Variants in OSBPL6 observed in about 807,000 individuals in gnomAD.
The protein encoded by OSBPL6 is oxysterol binding protein like 6, also known as oxysterol-binding protein-related protein 6.
Under a neutral mutation model 125.8 loss-of-function variants are expected in OSBPL6, and 49 were observed. The observed-to-expected ratio is 0.39, with a 90% CI of 0.31 to 0.49. The LOEUF is 0.49. OSBPL6 is among the 20% of genes least tolerant of loss of function. OSBPL6 has a pLI of 0.88. For missense variants in OSBPL6, 986 were observed against 1,135.4 expected (o/e 0.87, Z 1.89); for synonymous variants, 394 against 391.8 (o/e 1.01, Z -0.07).
At chr2:178,332,265 C>T (rs895099062) in intron 6 of OSBPL6, among the ~76,000 whole-genome samples, 1 of 152,192 alleles carries the variant, frequency 6.6e-6, no homozygotes, top group African/African-American at 2.4e-5. Flanking sequence ...AGCTGTCTGC[C>T]AGCTGATTAC....
At chr2:178,310,681 T>G (rs1017431008) in intron 3 of OSBPL6, among the ~76,000 whole-genome samples, 5 of 151,826 alleles carry the variant, frequency 3.3e-5, no homozygotes, top group African/African-American at 7.3e-5. Context: ...CCTCCCAAAG[T>G]GCGGGGATTA....
At chr2:178,332,124 G>A (rs1329779416) in intron 6 of OSBPL6, among the ~76,000 whole-genome samples, 4 of 152,164 alleles carry the variant, frequency 2.6e-5, no homozygotes, top group African/African-American at 9.7e-5. Context: ...GGAAGTAACT[G>A]AAGGCTTAGG....
At chr2:178,291,792 G>GCCTGCCATCCATCCAT (rs1553543924) in intron 2 of OSBPL6, among the ~76,000 whole-genome samples, 2 of 116,640 alleles carry the variant, frequency 1.7e-5, no homozygotes, top group Non-Finnish European at 3.7e-5. Context: ...CTTCCTGCCT[G>GCCTGCCATCCATCCAT]CCATCCATCC....
chr2:178,205,039 G>A (rs995737812), intron 1 of OSBPL6, among the ~76,000 whole-genome samples: 1 of 151,988 alleles, frequency 6.6e-6, no homozygotes, highest in African/African-American at 2.4e-5. Context: ...GCCTTTCTCA[G>A]TTTCACAGAT....
rs547332090 is a variant in OSBPL6, at chr2:178,225,481, A to G, written c.-351+30807A>G. ...GTAGTGTCTGGATTTCAGACCCTTG[A>G]GTTTGTTCAGATGTTCTCTAGTGAT... On this transcript the variant is annotated intron_variant, in intron 1 of 24. Transcript: ENST00000190611. Among the ~76,000 whole-genome samples, 17 of 152,250 alleles carry G rather than the reference A, an allele frequency of 1.1e-4. No homozygotes were observed. The East Asian group carries it at 1.5e-3, about 14-fold the overall frequency.
chr2:178,276,379 T>C (rs905138039), intron 1 of OSBPL6, among the ~76,000 whole-genome samples: 2 of 149,862 alleles, frequency 1.3e-5, no homozygotes, highest in African/African-American at 4.9e-5. Flanking sequence ...TGGTTTTTTT[T>C]TTTTTTTTTT....
At chr2:178,309,307 C>G (rs563206677) in intron 3 of OSBPL6, among the ~76,000 whole-genome samples, 1 of 152,282 alleles carries the variant, frequency 6.6e-6, no homozygotes, top group African/African-American at 2.4e-5. Flanking sequence ...CTCTCGTATA[C>G]AGACTATGTA....
intron 8 of OSBPL6, among the ~76,000 whole-genome samples, chr2:178,334,426 A>G (rs1488425419): frequency 2.0e-5 from 3 of 152,234 alleles, no homozygotes; most frequent in African/African-American, 7.2e-5. Flanking sequence ...ATGAAACATT[A>G]CTATATTCAG....
intron 23 of OSBPL6, 149 bp downstream of exon 23, chr2:178,392,687 A>C: frequency 9.3e-7 from 1 of 1,072,568 alleles, no homozygotes; most frequent in Non-Finnish European, 1.3e-6. Context: ...GAGACTCTAT[A>C]TCTCTAAAAA....
intron 1 of OSBPL6, among the ~76,000 whole-genome samples, chr2:178,257,829 C>CT (rs1335748785): frequency 4.8e-5 from 7 of 146,076 alleles, no homozygotes; most frequent in African/African-American, 1.5e-4. Context: ...AGATCTTGCT[C>CT]TTTTTTTTGA....
At chr2:178,200,928 T>TG (rs1349482055) in intron 1 of OSBPL6, among the ~76,000 whole-genome samples, 1 of 152,034 alleles carries the variant, frequency 6.6e-6, no homozygotes, top group Non-Finnish European at 1.5e-5. Context: ...CCCGAGTAGC[T>TG]GGATTACAGG....
At chr2:178,298,746 A>AT (rs1559216968) in intron 2 of OSBPL6, among the ~76,000 whole-genome samples, 25 of 147,420 alleles carry the variant, frequency 1.7e-4, no homozygotes, top group Non-Finnish European at 3.0e-4. Context: ...CAGGACCTAC[A>AT]TCATTTTCTA....
intron 3 of OSBPL6, among the ~76,000 whole-genome samples, chr2:178,312,359 A>G (rs567746463): frequency 5.9e-5 from 9 of 151,780 alleles, no homozygotes; most frequent in East Asian, 5.8e-4. Flanking sequence ...GGGTTTCACC[A>G]TGTTGGCCAG....
rs940651268 is a variant in OSBPL6 at position 178,399,103 on chromosome 2, G to A, written c.*3544G>A. The A allele has an allele frequency of 2.0e-5, 3 of 151,992 alleles. No homozygotes were observed. Among genetic ancestry groups the A allele is most frequent in the Admixed American group, 2.0e-4 (3 of 15,252 alleles). The allele number at this position is 151,992 out of a possible 1,614,324, so 9.4% of individuals were successfully genotyped here. A position where few individuals can be genotyped will look rare whatever the true frequency, so the allele number is the denominator to read the frequency against. On this transcript the variant is annotated 3_prime_UTR_variant, in exon 25 of 25. Transcript: ENST00000190611. Reference sequence around the variant, plus strand: ...ATGTGGCACAGTAAATAAAGTTTGTGTACAAAATACTAGTTTATTTCTATG... The same window carrying A: ...ATGTGGCACAGTAAATAAAGTTTGTATACAAAATACTAGTTTATTTCTATG...
At chr2:178,328,607 C>T (rs1192367986) in intron 5 of OSBPL6, among the ~76,000 whole-genome samples, 2 of 152,308 alleles carry the variant, frequency 1.3e-5, no homozygotes, top group East Asian at 1.9e-4. Context: ...TCCACCTCAG[C>T]CTCCTGAGTA....
At chr2:178,241,839 A>G (rs1457855878) in intron 1 of OSBPL6, among the ~76,000 whole-genome samples, 2 of 152,230 alleles carry the variant, frequency 1.3e-5, no homozygotes, top group South Asian at 2.1e-4. Flanking sequence ...GACTGCATAT[A>G]TGACAGTGGT....
intron 1 of OSBPL6, among the ~76,000 whole-genome samples, chr2:178,238,970 G>T (rs2091175344): frequency 6.6e-6 from 1 of 152,092 alleles, no homozygotes; most frequent in Non-Finnish European, 1.5e-5. Flanking sequence ...TTGTCTCTTG[G>T]ATGGACTCCA....
intron 15 of OSBPL6, among the ~76,000 whole-genome samples, chr2:178,380,454 C>T (rs1447559896): frequency 6.4e-5 from 3 of 46,626 alleles, no homozygotes; most frequent in African/African-American, 2.6e-4. Context: ...AAGAGTCTGT[C>T]TCAAAAAAAA....
intron 20 of OSBPL6, 52 bp from the exon 21 acceptor site, chr2:178,388,957 A>T: frequency 6.3e-7 from 1 of 1,582,098 alleles, no homozygotes; most frequent in Non-Finnish European, 8.6e-7. Flanking sequence ...AGAAACAGTT[A>T]TATGTGTTTG....
Sources: allele counts gnomAD v4.1 joint callset (sites outside exome capture counted in the v4.1 genomes callset), GRCh38; gene constraint gnomAD v4.1.1; transcripts MANE v1.5; gene names NCBI Gene and HGNC (gene_info 2026-07-23, HGNC 2026-07-21).